The following VTI1A variants were observed in gnomAD, a reference collection of about 807,000 sequenced individuals.
VTI1A encodes the protein vesicle transport through interaction with t-SNAREs homolog 1A.
VTI1A carries 22 observed loss-of-function variants against 34.9 expected under a neutral mutation model. That is an observed-to-expected ratio of 0.63 (90% CI 0.45 to 0.90). The LOEUF is 0.90. VTI1A is among the 40% of genes least tolerant of loss of function. The pLI is 0.00. For missense variants in VTI1A, 268 were observed against 275.6 expected (o/e 0.97, Z 0.20); for synonymous variants, 87 against 97.3 (o/e 0.89, Z 0.62).
chr10:112,601,550 T>A (rs1423755532), intron 5 of VTI1A, among the ~76,000 whole-genome samples: 1 of 152,148 alleles, frequency 6.6e-6, no homozygotes, highest in Non-Finnish European at 1.5e-5. Context: ...TACTGTGGTA[T>A]GCAGTCACTT....
At chr10:112,531,928 G>T (rs972233294) in intron 4 of VTI1A, among the ~76,000 whole-genome samples, 1 of 152,136 alleles carries the variant, frequency 6.6e-6, no homozygotes, top group Non-Finnish European at 1.5e-5. Flanking sequence ...AACTTTTCAT[G>T]TGAAATGAAA....
the VTI1A span, among the ~76,000 whole-genome samples, chr10:112,847,099 C>T: frequency 1.3e-5 from 2 of 152,180 alleles, no homozygotes; most frequent in African/African-American, 2.4e-5. Flanking sequence ...AGGGTTGGCT[C>T]CTGCTGTCAC....
the VTI1A span, among the ~76,000 whole-genome samples, chr10:112,829,020 A>G: frequency 2.0e-5 from 3 of 152,192 alleles, no homozygotes; most frequent in African/African-American, 4.8e-5. Context: ...GTAGGAGTTC[A>G]GTCACAGAGA....
At chr10:112,455,928 T>C (rs1377908500) in intron 1 of VTI1A, among the ~76,000 whole-genome samples, 3 of 152,162 alleles carry the variant, frequency 2.0e-5, no homozygotes, top group Non-Finnish European at 4.4e-5. Flanking sequence ...TTTGCCCCAG[T>C]CCTCACTAAA....
chr10:112,454,694 C>G (rs1219488963), intron 1 of VTI1A, among the ~76,000 whole-genome samples: 2 of 140,134 alleles, frequency 1.4e-5, no homozygotes, highest in Non-Finnish European at 3.1e-5. Context: ...TACATCAGCA[C>G]TTATCAAGCT....
At chr10:112,670,110 C>T (rs573676215) in intron 7 of VTI1A, among the ~76,000 whole-genome samples, 106 of 152,080 alleles carry the variant, frequency 7.0e-4, no homozygotes, top group African/African-American at 2.5e-3. Context: ...ACTCAGAATT[C>T]AGAGAGAAGG....
chr10:112,545,812 G>A (rs1851057310), intron 5 of VTI1A, among the ~76,000 whole-genome samples: 1 of 152,090 alleles, frequency 6.6e-6, no homozygotes, highest in Non-Finnish European at 1.5e-5. Context: ...TCATTTCATT[G>A]AATCTCGTGT....
rs1341154495 is a variant in VTI1A, at chr10:112,815,711, T to G, written c.*328T>G. The G allele has an allele frequency of 3.1e-6, 1 of 317,946 alleles. No individual in the cohort carries two copies. Among genetic ancestry groups the G allele is most frequent in the Non-Finnish European group, 5.9e-6 (1 of 169,518 alleles). 19.7% of individuals were successfully genotyped at this position (317,946 alleles called of 1,614,324 possible). On this transcript the variant is annotated 3_prime_UTR_variant, in exon 8 of 8. Coordinates refer to ENST00000393077, the MANE Select transcript of VTI1A (RefSeq NM_145206.4). ...CCTCTGGACGTGTCAAGGGCCGTGG[T>G]TTGGGAGAGGACATGATGAGTCAGT... is the stretch of plus-strand genomic sequence containing the variant.
chr10:112,593,903 A>ATTT (rs1554914706), intron 5 of VTI1A, among the ~76,000 whole-genome samples: 20,007 of 77,968 alleles, frequency 0.26, 1,461 homozygotes, highest in Middle Eastern at 0.38. Flanking sequence ...CGCCCGGCTA[A>ATTT]TTTTTTTTTT....
intron 7 of VTI1A, among the ~76,000 whole-genome samples, chr10:112,670,879 T>A (rs1847821709): frequency 6.6e-6 from 1 of 152,192 alleles, no homozygotes; most frequent in Non-Finnish European, 1.5e-5. Flanking sequence ...TATGCTTAAG[T>A]CCACCTGTTC....
At chr10:112,548,971 T>A (rs1851242727) in intron 5 of VTI1A, 3 of 656,624 alleles carry the variant, frequency 4.6e-6, no homozygotes, top group Non-Finnish European at 7.8e-6. Flanking sequence ...TTTCTTCTCT[T>A]CTTCTCCTTC....
chr10:112,463,149 TCCTGACCTCAGGTGATCTA>T (rs1847784578), intron 2 of VTI1A, among the ~76,000 whole-genome samples: 1 of 152,136 alleles, frequency 6.6e-6, no homozygotes. Flanking sequence ...AGTCTCAAAC[TCCTGACCTCAGGTGATCTA>T]CCTGCCTCGG....
At position 112,693,122 on chromosome 10, in the gene VTI1A, T is replaced by A. The variant is rs141370801; in HGVS notation, c.560+24124T>A. Among the ~76,000 whole-genome samples the A allele has an allele frequency of 3.1e-3, 479 of 152,328 alleles. 1 individual carries two copies. The highest frequency in any genetic ancestry group is 6.8e-3 in the Middle Eastern group (2 of 294). The stretch of plus-strand genomic sequence containing the variant: ...TCAAAACATAAATAAGTACCAAACA[T>A]GTGTAAGTGAAGTGCAGCCCATTTT... On this transcript the variant is annotated intron_variant, in intron 7 of 7. Coordinates refer to ENST00000393077, the MANE Select transcript of VTI1A (RefSeq NM_145206.4).
intron 7 of VTI1A, among the ~76,000 whole-genome samples, chr10:112,730,087 C>G (rs1850194979): frequency 6.6e-6 from 1 of 152,208 alleles, no homozygotes; most frequent in Admixed American, 6.5e-5. Context: ...TATTTCTCAG[C>G]AAAACAGCTG....
At chr10:112,618,520 T>TAGAGAGAGAGAGAG (rs1249234028) in intron 5 of VTI1A, among the ~76,000 whole-genome samples, 496 of 46,012 alleles carry the variant, frequency 0.011, 5 homozygotes, top group Non-Finnish European at 0.014. Context: ...TATATATATA[T>TAGAGAGAGAGAGAG]ATATAGAGAG....
chr10:112,574,552 G>A (rs1183420681), intron 5 of VTI1A, among the ~76,000 whole-genome samples: 1 of 152,216 alleles, frequency 6.6e-6, no homozygotes, highest in African/African-American at 2.4e-5. Flanking sequence ...GCTATGAGCT[G>A]TGTAACTTTG....
intron 7 of VTI1A, among the ~76,000 whole-genome samples, chr10:112,779,888 C>T (rs1852063276): frequency 1.3e-5 from 2 of 152,232 alleles, no homozygotes; most frequent in South Asian, 4.1e-4. Context: ...TTACAATGTG[C>T]TGTTGAGGCT....
rs71035402 is a variant in VTI1A, at chr10:112,789,952, CTT to C, written c.561-25326_561-25325del. On this transcript the variant is annotated intron_variant, in intron 7 of 7. Coordinates refer to ENST00000393077, the MANE Select transcript of VTI1A (RefSeq NM_145206.4). ...TATAGATCACACCTTTTTTTCTTTCCTTTTTTTTTTTTTGGTGGTTGTTATCA... is the reference window on the plus strand; with the variant it reads ...TATAGATCACACCTTTTTTTCTTTCCTTTTTTTTTTTGGTGGTTGTTATCA... 7.1e-3 allele frequency among the ~76,000 whole-genome samples: 997 copies of C among 141,098 alleles called. 6 individuals carry two copies. Among genetic ancestry groups the C allele is most frequent in the Admixed American group, 8.2e-3 (117 of 14,252 alleles). 92.6% of individuals were successfully genotyped at this position (141,098 alleles called of 152,430 possible).
chr10:112,620,588 C>T (rs1287968077), intron 5 of VTI1A, among the ~76,000 whole-genome samples: 4 of 151,902 alleles, frequency 2.6e-5, no homozygotes, highest in South Asian at 2.1e-4. Flanking sequence ...GTCAGGAGTT[C>T]GAGACCAGCC....
Sources: gnomAD v4.1 joint callset for allele counts (sites outside exome capture counted in the v4.1 genomes callset) on GRCh38, gnomAD v4.1.1 for gene constraint, MANE v1.5 for transcripts, NCBI Gene and HGNC (gene_info 2026-07-23, HGNC 2026-07-21) for gene names.